The following ACOT12 variants were observed in gnomAD, a reference collection of about 807,000 sequenced individuals.
The protein encoded by ACOT12 is acyl-CoA thioesterase 12.
A neutral mutation model predicts 67.7 loss-of-function variants in ACOT12; 51 were observed. That is an observed-to-expected ratio of 0.75 (90% CI 0.60 to 0.95). The LOEUF is 0.95. ACOT12 is among the 40% of genes least tolerant of loss of function. ACOT12 has a pLI of 0.00. For synonymous variants in ACOT12, 251 were observed against 244.6 expected, an observed-to-expected ratio of 1.03 and a Z score of -0.24; for missense variants, 734 against 708.1, an observed-to-expected ratio of 1.04 and a Z score of -0.41.
intron 4 of ACOT12, among the ~76,000 whole-genome samples, chr5:81,361,084 A>AAAAAAAAAAAAAAAAG: frequency 6.7e-6 from 1 of 149,854 alleles, no homozygotes; most frequent in Non-Finnish European, 1.5e-5. Context: ...TCTCAAAAAA[A>AAAAAAAAAAAAAAAAG]AAAAAAAAAA....
chr5:81,317,785 C>A, the ACOT12 span, among the ~76,000 whole-genome samples: 6 of 152,018 alleles, frequency 3.9e-5, no homozygotes, highest in African/African-American at 1.4e-4. Context: ...CTGGGAATCA[C>A]AATTTGACAT....
chr5:81,386,356 T>A (rs1166694486), intron 1 of ACOT12, among the ~76,000 whole-genome samples: 3 of 152,194 alleles, frequency 2.0e-5, no homozygotes, highest in Non-Finnish European at 2.9e-5. Context: ...AGATATTTAG[T>A]CAATATTTAT....
chr5:81,317,240 G>A, the ACOT12 span, among the ~76,000 whole-genome samples: 22 of 152,204 alleles, frequency 1.4e-4, no homozygotes, highest in East Asian at 5.8e-4. Context: ...AGTGGCTCAC[G>A]CCTGTAATCC....
At chr5:81,372,861 C>G (rs1760295866) in intron 2 of ACOT12, among the ~76,000 whole-genome samples, 1 of 152,198 alleles carries the variant, frequency 6.6e-6, no homozygotes, top group Admixed American at 6.5e-5. Context: ...AAACTACTGA[C>G]TTCAAGGAGA....
rs764894072 is a variant in ACOT12, at chr5:81,360,005, G to A, written c.394C>T (p.Gln132Ter). 1.2e-6 allele frequency: 2 copies of A among 1,611,624 alleles called. No individual in the cohort carries two copies. Among genetic ancestry groups the A allele is most frequent in the Admixed American group, 3.4e-5 (2 of 59,248 alleles). ...HLKPVTLLTEQDHVEHNLAAE... is the reference protein window; with the variant it reads ...HLKPVTLLTE ...GCCAGATTATGTTCCACATGATCTT[G>A]TTCAGTTAGAAGTGTGACTGGTTTT... The change falls in exon 5 of 15, where the codon CAA becomes TAA. Residue 132 changes from glutamine to a stop codon, truncating the protein, a stop_gained. Coordinates refer to ENST00000307624, the MANE Select transcript of ACOT12 (RefSeq NM_130767.3). LOFTEE classifies it high-confidence loss of function.
At chr5:81,387,955 C>T (rs917016846) in intron 1 of ACOT12, among the ~76,000 whole-genome samples, 3 of 152,028 alleles carry the variant, frequency 2.0e-5, no homozygotes, top group African/African-American at 7.2e-5. Flanking sequence ...TAGCACTATA[C>T]TAGATTTCTT....
chr5:81,345,149 A>G (rs1580542569), intron 7 of ACOT12, 108 bp from the exon 8 acceptor site: 1 of 1,362,792 alleles, frequency 7.3e-7, no homozygotes, highest in East Asian at 2.4e-5. Context: ...CCTCTAAGCA[A>G]CAGGAGGATA....
Position 81,363,780 on chromosome 5 carries a change from A to G in ACOT12, c.360+8T>C. 6.2e-7 allele frequency: 1 copy of G among 1,605,042 alleles called. No homozygotes were observed. The highest frequency in any genetic ancestry group is 2.2e-5 in the East Asian group (1 of 44,542). ...CATGCTAGATACATCTTCACATACA[A>G]AATTTACCTTTTCTTTTCCAACTGG... On this transcript the variant is annotated splice_region_variant and intron_variant, in intron 4 of 14. Coordinates refer to ENST00000307624, the MANE Select transcript of ACOT12 (RefSeq NM_130767.3).
intron 3 of ACOT12, among the ~76,000 whole-genome samples, chr5:81,371,143 T>C (rs1171463541): frequency 6.6e-6 from 1 of 152,172 alleles, no homozygotes; most frequent in Non-Finnish European, 1.5e-5. Context: ...ATAAAAACCA[T>C]GCTTTATAAA....
the ACOT12 span, among the ~76,000 whole-genome samples, chr5:81,323,768 G>T: frequency 3.3e-5 from 5 of 151,492 alleles, no homozygotes; most frequent in Non-Finnish European, 5.9e-5. Context: ...GTAGAATGAA[G>T]AGAGGAGCAA....
chr5:81,330,996 A>G lies in ACOT12; in HGVS notation c.1392-56T>C, dbSNP rs1758804089. 15 of 1,501,760 alleles carry G rather than the reference A, an allele frequency of 1.0e-5. No homozygotes were observed. The South Asian group carries it at 1.7e-4, about 17-fold the overall frequency. 93.0% of individuals were successfully genotyped at this position (1,501,760 alleles called of 1,614,324 possible). A position where few individuals can be genotyped will look rare whatever the true frequency, so the allele number is the denominator to read the frequency against. On this transcript the variant is annotated intron_variant, in intron 13 of 14. Transcript: ENST00000307624. ...AGAAATAAAGAATAGTTGTTAGAAAATAAATCCCTATAGTTAACCCAATTT... is the reference window on the plus strand; with the variant it reads ...AGAAATAAAGAATAGTTGTTAGAAAGTAAATCCCTATAGTTAACCCAATTT...
chr5:81,310,732 A>C, the ACOT12 span, among the ~76,000 whole-genome samples: 1 of 152,172 alleles, frequency 6.6e-6, no homozygotes, highest in Non-Finnish European at 1.5e-5. Flanking sequence ...AATTAACTTT[A>C]TTTCTTTCAT....
downstream of ACOT12, among the ~76,000 whole-genome samples, chr5:81,328,261 C>T (rs966100838): frequency 1.3e-5 from 2 of 152,144 alleles, no homozygotes; most frequent in Non-Finnish European, 1.5e-5. Context: ...CCAACCCTTC[C>T]CCAGCACTCT....
intron 5 of ACOT12, among the ~76,000 whole-genome samples, chr5:81,356,446 G>A (rs528890857): frequency 1.1e-3 from 165 of 152,248 alleles, no homozygotes; most frequent in African/African-American, 3.9e-3. Context: ...GTGCTTTGCA[G>A]GTTCTGTTCT....
intron 5 of ACOT12, among the ~76,000 whole-genome samples, chr5:81,351,357 T>C (rs1322153073): frequency 6.6e-6 from 1 of 152,238 alleles, no homozygotes; most frequent in Non-Finnish European, 1.5e-5. Flanking sequence ...CAAATTATGC[T>C]ACAGAGTTGT....
Position 81,393,939 on chromosome 5 carries a change from T to TCCCGCAGCCCCGGTCCCGCGCCTC in ACOT12, c.127+25_127+48dup. ...CCCCCCAGCCCCCAGCCGCCGCCGC[T>TCCCGCAGCCCCGGTCCCGCGCCTC]CCCGCAGCCCCGGTCCCGCGCCTCC... On this transcript the variant is annotated intron_variant, in intron 1 of 14. Coordinates refer to ENST00000307624, the MANE Select transcript of ACOT12 (RefSeq NM_130767.3). 28 of 1,285,088 alleles carry TCCCGCAGCCCCGGTCCCGCGCCTC rather than the reference T, an allele frequency of 2.2e-5. 1 individual carries two copies. The highest frequency in any genetic ancestry group is 9.8e-5 in the East Asian group (3 of 30,610). The allele number at this position is 1,285,088 out of a possible 1,614,324, so 79.6% of individuals were successfully genotyped here. A position where few individuals can be genotyped will look rare whatever the true frequency, so the allele number is the denominator to read the frequency against.
intron 11 of ACOT12, 54 bp from the exon 12 acceptor site, chr5:81,335,955 A>C: frequency 6.4e-7 from 1 of 1,550,566 alleles, no homozygotes; most frequent in Non-Finnish European, 8.8e-7. Flanking sequence ...CTTTTACTTT[A>C]GAAACCATAT....
chr5:81,358,232 G>C (rs761499085), intron 5 of ACOT12, among the ~76,000 whole-genome samples: 3 of 152,150 alleles, frequency 2.0e-5, no homozygotes, highest in Admixed American at 6.5e-5. Context: ...TGTGTTAAAT[G>C]CTTGAGTTTC....
At chr5:81,341,978 T>C (rs1377012025) in intron 11 of ACOT12, among the ~76,000 whole-genome samples, 2 of 151,830 alleles carry the variant, frequency 1.3e-5, no homozygotes, top group South Asian at 4.1e-4. Context: ...TATAATTAAT[T>C]GACCAATTAT....
Sources: gnomAD v4.1 joint callset for allele counts (sites outside exome capture counted in the v4.1 genomes callset) on GRCh38, gnomAD v4.1.1 for gene constraint, MANE v1.5 for transcripts, NCBI Gene and HGNC (gene_info 2026-07-23, HGNC 2026-07-21) for gene names.